The following FAM76A variants were observed in gnomAD, a reference collection of about 807,000 sequenced individuals.
FAM76A encodes the protein protein FAM76A.
Under a neutral mutation model 46.2 loss-of-function variants are expected in FAM76A, and 32 were observed. The ratio of observed to expected loss-of-function variants is 0.69; its 90% confidence interval spans 0.52 to 0.93. FAM76A has a LOEUF of 0.93. Ranked by LOEUF, FAM76A falls within the 40% of genes least tolerant of loss-of-function variation. The pLI, the probability that FAM76A is intolerant of heterozygous loss-of-function variation, is 0.00. For missense variants in FAM76A, 274 were observed against 361.5 expected (o/e 0.76, Z 1.96); for synonymous variants, 137 against 127.0 (o/e 1.08, Z -0.53).
chr1:27,760,683 C>A lies in FAM76A; in HGVS notation c.*102C>A. Reference sequence around the variant, plus strand: ...GGAATTGCAAGCTTTCTTAAGAAATCTCTATTTTATTACAGTTATCCTTCT... The same window carrying A: ...GGAATTGCAAGCTTTCTTAAGAAATATCTATTTTATTACAGTTATCCTTCT... On this transcript the variant is annotated 3_prime_UTR_variant, in exon 9 of 9. Coordinates refer to ENST00000373954, the MANE Select transcript of FAM76A (RefSeq NM_152660.3). The A allele has an allele frequency of 1.3e-6, 1 of 747,970 alleles. No individual in the cohort carries two copies. Among genetic ancestry groups the A allele is most frequent in the Non-Finnish European group, 2.1e-6 (1 of 467,758 alleles). The allele number at this position is 747,970 out of a possible 1,614,324, so 46.3% of individuals were successfully genotyped here.
At chr1:27,727,964 T>C (rs1370764254) in intron 2 of FAM76A, among the ~76,000 whole-genome samples, 1 of 151,990 alleles carries the variant, frequency 6.6e-6, no homozygotes, top group African/African-American at 2.4e-5. Flanking sequence ...CCTGCCACCA[T>C]GTCCGGCTAG....
At chr1:27,738,972 A>C (rs1023674719) in intron 4 of FAM76A, 2 of 166,922 alleles carry the variant, frequency 1.2e-5, no homozygotes, top group Non-Finnish European at 2.5e-5. Context: ...CATGATTAGA[A>C]CAGAAAGAAG....
In FAM76A at chr1:27,741,394, A is replaced by C. The variant is rs114395921; in HGVS notation, c.355-3260A>C. On this transcript the variant is annotated intron_variant, in intron 4 of 8. Transcript: ENST00000373954. ...CGAGACAAGGTTTCACCATGGTCTC[A>C]AGCAATCTGCCTACCTCAGCCTTCC... Among the ~76,000 whole-genome samples the C allele has an allele frequency of 9.3e-3, 1,421 of 152,004 alleles. 33 individuals are homozygous for C. The highest frequency in any genetic ancestry group is 0.033 in the African/African-American group (1,355 of 41,454).
Position 27,726,007 on chromosome 1 carries a change from C to A in FAM76A, c.-74C>A. The A allele has an allele frequency of 1.7e-6, 2 of 1,168,890 alleles. No homozygotes were observed. The highest frequency in any genetic ancestry group is 2.1e-6 in the Non-Finnish European group (2 of 932,932). 72.4% of individuals were successfully genotyped at this position (1,168,890 alleles called of 1,614,324 possible). A position where few individuals can be genotyped will look rare whatever the true frequency, so the allele number is the denominator to read the frequency against. On this transcript the variant is annotated 5_prime_UTR_variant, in exon 1 of 9. Transcript: ENST00000373954. ...GCAGCCAGCAGCCTGCAGCCGCCGC[C>A]GGGTTGTGCCTCAGACTGTCAGATA...
chr1:27,755,067 G>A lies in FAM76A; in HGVS notation c.600-128G>A, dbSNP rs1226169343. The A allele has an allele frequency of 1.3e-5, 13 of 988,652 alleles. No homozygotes were observed. The African/African-American group carries it at 1.9e-4, about 15-fold the overall frequency. 61.2% of individuals were successfully genotyped at this position (988,652 alleles called of 1,614,324 possible). A position where few individuals can be genotyped will look rare whatever the true frequency, so the allele number is the denominator to read the frequency against. ...TGCCGTTGAGCCCAGCATGTGTGGT[G>A]CAATGTGCTTGATGCTAGGATTCCT... On this transcript the variant is annotated intron_variant, in intron 6 of 8. Transcript: ENST00000373954.
In FAM76A at chr1:27,744,552, T is replaced by G. The variant is rs2088209014; in HGVS notation, c.355-102T>G. ...ATGCCCAAAGTCACAGCACATAAGT[T>G]TCAGAACTGGGACTGAACCCAAAGA... is the stretch of plus-strand genomic sequence containing the variant. On this transcript the variant is annotated intron_variant, in intron 4 of 8. Transcript: ENST00000373954. 2.4e-6 allele frequency: 3 copies of G among 1,265,664 alleles called. No homozygotes were observed. In the East Asian group the frequency reaches 7.0e-5, roughly 29 times the overall value. 78.4% of individuals were successfully genotyped at this position (1,265,664 alleles called of 1,614,324 possible).
chr1:27,737,543 T>G lies in FAM76A; in HGVS notation c.354+3360T>G, dbSNP rs117154044. 1.4e-3 allele frequency among the ~76,000 whole-genome samples: 218 copies of G among 151,944 alleles called. 8 individuals are homozygous for G. The East Asian group carries it at 0.033, about 23-fold the overall frequency. ...CAGCCTGGGCAACATGGCAAAACCCTGTCACTATTAAAAATACAAAAATCT... is the reference window on the plus strand; with the variant it reads ...CAGCCTGGGCAACATGGCAAAACCCGGTCACTATTAAAAATACAAAAATCT... On this transcript the variant is annotated intron_variant, in intron 4 of 8. Transcript: ENST00000373954.
At chr1:27,737,285 G>A (rs1393696064) in intron 4 of FAM76A, among the ~76,000 whole-genome samples, 1 of 152,050 alleles carries the variant, frequency 6.6e-6, no homozygotes, top group African/African-American at 2.4e-5. Flanking sequence ...TTAAGAGACA[G>A]ATCTGAAAAA....
At chr1:27,741,193 A>ATTTTTTTTTTTTTTTTTTTTTTTTTTT (rs767134759) in intron 4 of FAM76A, among the ~76,000 whole-genome samples, 1 of 116,516 alleles carries the variant, frequency 8.6e-6, no homozygotes, top group African/African-American at 3.7e-5. Context: ...GGGAGATTTG[A>ATTTTTTTTTTTTTTTTTTTTTTTTTTT]TTTTTTTTTT....
chr1:27,726,246 G>C, intron 1 of FAM76A, 85 bp downstream of exon 1: 5 of 1,154,074 alleles, frequency 4.3e-6, no homozygotes, highest in Non-Finnish European at 5.4e-6. Flanking sequence ...CGCCCGGCGG[G>C]GTCCCCGGAG....
intron 4 of FAM76A, among the ~76,000 whole-genome samples, chr1:27,741,199 T>C (rs1246744690): frequency 2.0e-4 from 29 of 147,050 alleles, no homozygotes; most frequent in African/African-American, 6.8e-4. Flanking sequence ...TTTGATTTTT[T>C]TTTTTTTTTT....
At chr1:27,748,287 G>A (rs569119974) in intron 5 of FAM76A, among the ~76,000 whole-genome samples, 8 of 151,084 alleles carry the variant, frequency 5.3e-5, no homozygotes, top group South Asian at 2.1e-4. Flanking sequence ...TACCACACCC[G>A]GCTGATTTTT....
At chr1:27,744,086 C>CA (rs1460728213) in intron 4 of FAM76A, among the ~76,000 whole-genome samples, 3 of 152,044 alleles carry the variant, frequency 2.0e-5, no homozygotes, top group Admixed American at 6.6e-5. Context: ...AGAAACAAAA[C>CA]AAAAATACAT....
chr1:27,744,134 T>A (rs924591333), intron 4 of FAM76A, among the ~76,000 whole-genome samples: 9 of 152,102 alleles, frequency 5.9e-5, no homozygotes, highest in Admixed American at 2.0e-4. Flanking sequence ...TAATTTAATT[T>A]ATTTATTTAT....
intron 5 of FAM76A, among the ~76,000 whole-genome samples, chr1:27,747,344 G>T (rs970604473): frequency 6.6e-6 from 1 of 152,208 alleles, no homozygotes; most frequent in African/African-American, 2.4e-5. Flanking sequence ...CTAAGAAGCA[G>T]CTGTCACAAA....
chr1:27,750,589 C>T (rs1359297606), intron 6 of FAM76A, among the ~76,000 whole-genome samples: 1 of 152,214 alleles, frequency 6.6e-6, no homozygotes, highest in East Asian at 1.9e-4. Flanking sequence ...GTTTTGTGCT[C>T]ATTTATGATC....
chr1:27,726,077 G>T lies in FAM76A; in HGVS notation c.-4G>T. Reference sequence around the variant, plus strand: ...CGGGTCGGTGAGCGCGGCCCGGGCCGGACATGGCGGCGCTCTACGCCTGCA... The same window carrying T: ...CGGGTCGGTGAGCGCGGCCCGGGCCTGACATGGCGGCGCTCTACGCCTGCA... On this transcript the variant is annotated 5_prime_UTR_variant, in exon 1 of 9. Transcript: ENST00000373954. The T allele has an allele frequency of 8.0e-7, 1 of 1,253,910 alleles. No individual in the cohort carries two copies. The highest frequency in any genetic ancestry group is 1.0e-6 in the Non-Finnish European group (1 of 998,670). 77.7% of individuals were successfully genotyped at this position (1,253,910 alleles called of 1,614,324 possible).
In FAM76A at chr1:27,726,006, C is replaced by A; in HGVS notation, c.-75C>A. 8.6e-7 allele frequency: 1 copy of A among 1,168,822 alleles called. No homozygotes were observed. Among genetic ancestry groups the A allele is most frequent in the Non-Finnish European group, 1.1e-6 (1 of 932,704 alleles). The allele number at this position is 1,168,822 out of a possible 1,614,324, so 72.4% of individuals were successfully genotyped here. On this transcript the variant is annotated 5_prime_UTR_variant, in exon 1 of 9. Transcript: ENST00000373954. ...CGCAGCCAGCAGCCTGCAGCCGCCG[C>A]CGGGTTGTGCCTCAGACTGTCAGAT... is the stretch of plus-strand genomic sequence containing the variant.
Position 27,725,964 on chromosome 1 carries a change from T to TGCGC in FAM76A, c.-116_-113dup, listed in dbSNP as rs2087849087. The TGCGC allele has an allele frequency of 1.4e-6, 1 of 738,800 alleles. No homozygotes were observed. 45.8% of individuals were successfully genotyped at this position (738,800 alleles called of 1,614,324 possible). The stretch of plus-strand genomic sequence containing the variant: ...CCGCCCGGGTCCGCCCCGACCCGCC[T>TGCGC]GCGCCCGCCCGCCTGCCGCAGCCAG... On this transcript the variant is annotated 5_prime_UTR_variant, in exon 1 of 9. Coordinates refer to ENST00000373954, the MANE Select transcript of FAM76A (RefSeq NM_152660.3).
Sources: gnomAD v4.1 joint callset for allele counts (sites outside exome capture counted in the v4.1 genomes callset) on GRCh38, gnomAD v4.1.1 for gene constraint, MANE v1.5 for transcripts, NCBI Gene and HGNC (gene_info 2026-07-23, HGNC 2026-07-21) for gene names.